Variants in RXRG observed in about 807,000 individuals in gnomAD.
RXRG encodes the protein retinoid X receptor gamma.
Under a neutral mutation model 49.2 loss-of-function variants are expected in RXRG, and 19 were observed. The ratio of observed to expected loss-of-function variants is 0.39; its 90% CI spans 0.27 to 0.57. The LOEUF is 0.57. RXRG is among the 20% of genes least tolerant of loss of function. RXRG has a pLI of 0.64. For synonymous variants in RXRG, 224 were observed against 216.6 expected (o/e 1.03, Z -0.30); for missense variants, 452 against 592.5 (o/e 0.76, Z 2.46).
chr1:165,437,029 G>T, intron 1 of RXRG: 1 of 1,231,452 alleles, frequency 8.1e-7, no homozygotes, highest in Non-Finnish European at 1.0e-6. Flanking sequence ...TTCTAGGCTG[G>T]TTGCCTGGGT....
At position 165,429,143 on chromosome 1, in the gene RXRG, G is replaced by A. The variant is rs368192998; in HGVS notation, c.50-177C>T. 1.2e-3 allele frequency among the ~76,000 whole-genome samples: 182 copies of A among 152,240 alleles called. 1 individual carries two copies. The highest frequency in any genetic ancestry group is 3.9e-3 in the African/African-American group (164 of 41,536). ...CTACCCTGGTGGTATAAAGACAAGC[G>A]AGGGACACAGAGGGGAGAGGGCCTG... On this transcript the variant is annotated intron_variant, in intron 1 of 9. Transcript: ENST00000359842.
chr1:165,423,878 C>T (rs914488367), intron 2 of RXRG, among the ~76,000 whole-genome samples: 1 of 152,174 alleles, frequency 6.6e-6, no homozygotes, highest in Non-Finnish European at 1.5e-5. Flanking sequence ...TCTATTCCAG[C>T]TCTAACATTT....
At chr1:165,401,484 C>T (rs1657563981) in intron 9 of RXRG, 74 bp from the exon 10 acceptor site, 10 of 1,561,042 alleles carry the variant, frequency 6.4e-6, no homozygotes, top group South Asian at 5.6e-5. Flanking sequence ...GGCAGGAGGC[C>T]GTCCAATTGG....
At chr1:165,427,484 G>A (rs1658526602) in intron 2 of RXRG, among the ~76,000 whole-genome samples, 1 of 152,076 alleles carries the variant, frequency 6.6e-6, no homozygotes, top group Non-Finnish European at 1.5e-5. Context: ...GCCCAAGCTG[G>A]AGTGCAGTGG....
intron 2 of RXRG, chr1:165,424,703 C>A: frequency 1.2e-6 from 1 of 846,586 alleles, no homozygotes; most frequent in Non-Finnish European, 1.4e-6. Context: ...CCTGCTGCTC[C>A]CACCCCTAGA....
chr1:165,437,337 G>T, intron 1 of RXRG: 1 of 672,844 alleles, frequency 1.5e-6, no homozygotes, highest in Non-Finnish European at 2.2e-6. Flanking sequence ...CTAGTTACAA[G>T]CTCTGATGTC....
intron 1 of RXRG, among the ~76,000 whole-genome samples, chr1:165,444,009 A>T (rs1012783648): frequency 6.6e-6 from 1 of 152,124 alleles, no homozygotes; most frequent in Non-Finnish European, 1.5e-5. Context: ...GGGCGGCTGT[A>T]CTGTTTCTGT....
intron 2 of RXRG, chr1:165,424,693 C>G (rs1467784008): frequency 4.0e-6 from 3 of 741,702 alleles, no homozygotes; most frequent in Non-Finnish European, 4.9e-6. Context: ...ACTGGCCCTG[C>G]CTGCTGCTCC....
At chr1:165,437,121 G>A (rs1658838812) in intron 1 of RXRG, 1 of 1,367,124 alleles carries the variant, frequency 7.3e-7, no homozygotes, top group Non-Finnish European at 9.8e-7. Context: ...CAGCCTCCTG[G>A]AGGGTTCAGG....
intron 1 of RXRG, among the ~76,000 whole-genome samples, chr1:165,439,747 A>G (rs1164190106): frequency 2.0e-5 from 3 of 152,244 alleles, no homozygotes; most frequent in Non-Finnish European, 4.4e-5. Flanking sequence ...TTTAATGTCT[A>G]ACATCTTGTT....
intron 2 of RXRG, chr1:165,424,961 C>A: frequency 1.0e-6 from 1 of 985,574 alleles, no homozygotes. Context: ...AAGCCCAGAA[C>A]ACTGCTCAGG....
At chr1:165,431,239 C>T (rs963550183) in intron 1 of RXRG, among the ~76,000 whole-genome samples, 2 of 152,150 alleles carry the variant, frequency 1.3e-5, no homozygotes, top group Non-Finnish European at 2.9e-5. Flanking sequence ...CCATCTGCAC[C>T]AAGAGTACAA....
chr1:165,431,180 A>G (rs1051459590), intron 1 of RXRG, among the ~76,000 whole-genome samples: 1 of 152,202 alleles, frequency 6.6e-6, no homozygotes, highest in African/African-American at 2.4e-5. Flanking sequence ...TCTGAAACCC[A>G]CGCTCTCCTC....
rs1571259053 is a variant in RXRG at position 165,401,206 on chromosome 1, G to T, written c.*57C>A. The stretch of plus-strand genomic sequence containing the variant: ...AGGTGGAGGAAAGTGCAGGGTGGGG[G>T]TCCACACACACCTGCCCAGGGGTCA... On this transcript the variant is annotated 3_prime_UTR_variant, in exon 10 of 10. Coordinates refer to ENST00000359842, the MANE Select transcript of RXRG (RefSeq NM_006917.5). 2.6e-6 allele frequency: 4 copies of T among 1,561,398 alleles called. No individual in the cohort carries two copies. The highest frequency in any genetic ancestry group is 2.6e-6 in the Non-Finnish European group (3 of 1,138,062).
Position 165,428,759 on chromosome 1 carries a change from G to T in RXRG, c.257C>A (p.Ala86Glu). The change falls in exon 2 of 10, where the codon GCG (alanine) becomes GAG (glutamate). Residue 86 changes from alanine to glutamate, a missense_variant. Physicochemically the swap from Ala to Glu is moderately radical, Grantham distance 107. Transcript: ENST00000359842. ...GGCAACCAAGTTGATTCCTGGAGGC[G>T]CTGCAAGTGCTCCTGAGGGTGGGCC... ...AMGPPSGALA[A>E]PPGINLVAPP... The T allele has an allele frequency of 6.2e-7, 1 of 1,605,808 alleles. No individual in the cohort carries two copies. Among genetic ancestry groups the T allele is most frequent in the Non-Finnish European group, 8.5e-7 (1 of 1,173,436 alleles).
At position 165,419,996 on chromosome 1, in the gene RXRG, C is replaced by A; in HGVS notation, c.316G>T (p.Val106Phe). ...GGCTTGATGTCCTCTGAACTGCTGA[C>A]ACTGTTGACCACATTTAGCTGCAAG... is the stretch of plus-strand genomic sequence containing the variant. ...PSSQLNVVNS[V>F]SSSEDIKPLP... The change falls in exon 3 of 10, where the codon GTC becomes TTC. Residue 106 changes from valine (V) to phenylalanine (F), a missense_variant. Around this residue, in one of 2 missense-constraint regions of RXRG, gnomAD observed 166 missense variants for 151.7 expected, o/e 1.09. Transcript: ENST00000359842. 1 of 1,601,820 alleles carries A rather than the reference C, an allele frequency of 6.2e-7. No homozygotes were observed. The highest frequency in any genetic ancestry group is 8.5e-7 in the Non-Finnish European group (1 of 1,174,238).
Position 165,443,947 on chromosome 1 carries a change from CT to C in RXRG, c.49+897del, listed in dbSNP as rs1363501749. ...AGCAACATAAGCTGCATGCCTCCAA[CT>C]GACAAGCGACAGGCCAGTTGGTCAG... On this transcript the variant is annotated intron_variant, in intron 1 of 9. Transcript: ENST00000359842. 9.8e-5 allele frequency among the ~76,000 whole-genome samples: 15 copies of C among 152,358 alleles called. No individual in the cohort carries two copies. In the East Asian group the frequency reaches 2.7e-3, roughly 27 times the overall value.
At chr1:165,442,285 G>A (rs903480954) in intron 1 of RXRG, among the ~76,000 whole-genome samples, 1 of 152,156 alleles carries the variant, frequency 6.6e-6, no homozygotes, top group African/African-American at 2.4e-5. Context: ...CCTGCAGACG[G>A]GGGCAGAGTC....
At chr1:165,416,012 T>C (rs1658114916) in intron 4 of RXRG, among the ~76,000 whole-genome samples, 3 of 152,214 alleles carry the variant, frequency 2.0e-5, no homozygotes, top group Admixed American at 2.0e-4. Context: ...ACCTCTAGCA[T>C]CTTGACATGT....
Sources: allele counts gnomAD v4.1 joint callset (sites outside exome capture counted in the v4.1 genomes callset), GRCh38; gene constraint gnomAD v4.1.1; regional missense constraint gnomAD v4.1.1; transcripts MANE v1.5; gene names NCBI Gene and HGNC (gene_info 2026-07-23, HGNC 2026-07-21).